The following AGPAT3 variants were observed in gnomAD, a reference collection of about 807,000 sequenced individuals.
AGPAT3 encodes the protein 1-acyl-sn-glycerol-3-phosphate acyltransferase gamma.
In AGPAT3, 5 loss-of-function variants were observed where a neutral mutation model predicts 47.3. That is an observed-to-expected ratio of 0.11 (90% CI 0.06 to 0.22). The LOEUF is 0.22. AGPAT3 is among the 10% of genes least tolerant of loss of function. The pLI is 1.00. For missense variants in AGPAT3, 315 were observed against 493.0 expected, an observed-to-expected ratio of 0.64 and a Z score of 3.42; for synonymous variants, 212 against 208.3, an observed-to-expected ratio of 1.02 and a Z score of -0.15.
intron 3 of AGPAT3, 182 bp from the exon 4 acceptor site, chr21:43,967,764 A>G: frequency 1.6e-6 from 1 of 620,002 alleles, no homozygotes; most frequent in Non-Finnish European, 2.7e-6. Flanking sequence ...TCTCCTCCCA[A>G]CTGTTGCTTA....
chr21:43,970,817 G>C lies in AGPAT3; in HGVS notation c.664+11G>C. On this transcript the variant is annotated intron_variant, in intron 6 of 9. Transcript: ENST00000291572. This position sits in a 1 kb window ranked among gnomAD's most constrained non-coding sequence, Gnocchi z 5.8. ...GCCTCCGGGGGACAGGTAGGCCCCA[G>C]ACTGCCCGAGCCGGGGCCACCGCTA... 6.5e-7 allele frequency: 1 copy of C among 1,537,786 alleles called. No individual in the cohort carries two copies. The highest frequency in any genetic ancestry group is 1.2e-5 in the South Asian group (1 of 82,598).
chr21:43,883,918 C>T (rs1043973470), intron 1 of AGPAT3, among the ~76,000 whole-genome samples: 1 of 151,808 alleles, frequency 6.6e-6, no homozygotes, highest in Non-Finnish European at 1.5e-5. Flanking sequence ...AGTAGAGAGA[C>T]GGGGTTTCTC....
chr21:43,939,193 A>T lies in AGPAT3; in HGVS notation c.-48-20441A>T, dbSNP rs975605141. The stretch of plus-strand genomic sequence containing the variant: ...CACTTTATCCCACTGTGGCCCCGTG[A>T]CCCTGAGCGAGAATGCACTGGCCGG... On this transcript the variant is annotated intron_variant, in intron 2 of 9. Transcript: ENST00000291572. The surrounding 1 kb of genome is among the most constrained non-coding windows in gnomAD (Gnocchi z 4.4). 1.3e-5 allele frequency among the ~76,000 whole-genome samples: 2 copies of T among 151,996 alleles called. No homozygotes were observed. Among genetic ancestry groups the T allele is most frequent in the Admixed American group, 6.5e-5 (1 of 15,272 alleles).
At chr21:43,866,838 T>C (rs2085518101) in intron 1 of AGPAT3, among the ~76,000 whole-genome samples, 1 of 152,226 alleles carries the variant, frequency 6.6e-6, no homozygotes, top group South Asian at 2.1e-4. Flanking sequence ...CGTGGCCCTG[T>C]CCTGGCGTAT....
intron 3 of AGPAT3, among the ~76,000 whole-genome samples, chr21:43,962,482 G>C (rs993043449): frequency 6.6e-6 from 1 of 152,162 alleles, no homozygotes. Context: ...CTACTTTCTA[G>C]CAGTATTCTG....
rs561106787 is a variant in AGPAT3, at chr21:43,969,355, A to C, written c.510+76A>C. 2.5e-6 allele frequency: 4 copies of C among 1,572,676 alleles called. No homozygotes were observed. The South Asian group carries it at 4.6e-5, about 18-fold the overall frequency. On this transcript the variant is annotated intron_variant, in intron 5 of 9. Coordinates refer to ENST00000291572, the MANE Select transcript of AGPAT3 (RefSeq NM_020132.5). The stretch of plus-strand genomic sequence containing the variant: ...CAACTCCTGATGCACGGCTGCCCAC[A>C]TCCCAGGCTGGGAAACCCCATGAGA...
At chr21:43,881,257 A>G (rs1334055803) in intron 1 of AGPAT3, among the ~76,000 whole-genome samples, 1 of 152,206 alleles carries the variant, frequency 6.6e-6, no homozygotes, top group Non-Finnish European at 1.5e-5. Flanking sequence ...GAAATGCTTT[A>G]TATGAAAACA....
intron 1 of AGPAT3, among the ~76,000 whole-genome samples, 155 bp downstream of exon 1, chr21:43,865,500 G>C (rs1278865576): frequency 6.8e-6 from 1 of 147,408 alleles, no homozygotes; most frequent in Non-Finnish European, 1.5e-5. Context: ...TGGGCCGGCC[G>C]CGCTCCGCGG....
intron 3 of AGPAT3, among the ~76,000 whole-genome samples, chr21:43,961,363 CTT>C (rs994920370): frequency 2.0e-5 from 3 of 151,962 alleles, no homozygotes; most frequent in Non-Finnish European, 2.9e-5. Context: ...CGCGTAGACA[CTT>C]TGTCTCACGT....
rs1002682590 is a variant in AGPAT3, at chr21:43,880,211, C to T, written c.-112+14866C>T. On this transcript the variant is annotated intron_variant, in intron 1 of 9. Transcript: ENST00000291572. This position sits in a 1 kb window ranked among gnomAD's most constrained non-coding sequence, Gnocchi z 4.5. ...GGCTGGTGCTGTGTTCCTGGACCAG[C>T]GTCCGATTTCCCTGCTGCTGAATCA... 2.0e-5 allele frequency among the ~76,000 whole-genome samples: 3 copies of T among 152,280 alleles called. No individual in the cohort carries two copies. The highest frequency in any genetic ancestry group is 2.1e-4 in the South Asian group (1 of 4,830).
chr21:43,868,443 G>A (rs1192899670), intron 1 of AGPAT3, among the ~76,000 whole-genome samples: 1 of 152,198 alleles, frequency 6.6e-6, no homozygotes, highest in South Asian at 2.1e-4. Context: ...TGGTGGGACA[G>A]TGTGCCTGCA....
intron 2 of AGPAT3, among the ~76,000 whole-genome samples, chr21:43,917,271 G>A (rs2838434): frequency 0.3 from 45,365 of 151,562 alleles, 7,842 homozygotes; most frequent in South Asian, 0.41. Context: ...TGTTGCCGGC[G>A]CGGTCCCGCT....
chr21:43,878,774 G>A (rs1347363683), intron 1 of AGPAT3, among the ~76,000 whole-genome samples: 1 of 134,758 alleles, frequency 7.4e-6, no homozygotes, highest in Non-Finnish European at 1.6e-5. Flanking sequence ...TTACTCTGTT[G>A]CCCAGACGGG....
chr21:43,977,920 G>A (rs1283538672), intron 7 of AGPAT3, 126 bp from the exon 8 acceptor site: 1 of 628,232 alleles, frequency 1.6e-6, no homozygotes, highest in African/African-American at 1.9e-5. Flanking sequence ...GAAATTGAGA[G>A]TGAGATGTGA....
chr21:43,902,011 G>A (rs1024186892), intron 1 of AGPAT3, among the ~76,000 whole-genome samples: 3 of 152,090 alleles, frequency 2.0e-5, no homozygotes. Flanking sequence ...AATACCTGAA[G>A]ACAATAATGG....
At chr21:43,909,070 T>C (rs182444238) in intron 2 of AGPAT3, among the ~76,000 whole-genome samples, 1 of 152,358 alleles carries the variant, frequency 6.6e-6, no homozygotes, top group Admixed American at 6.5e-5. Context: ...TTTTACTTAC[T>C]ATTTTTTTTC....
chr21:43,944,735 G>C (rs1327165291), intron 2 of AGPAT3, among the ~76,000 whole-genome samples: 2 of 152,220 alleles, frequency 1.3e-5, no homozygotes, highest in Non-Finnish European at 2.9e-5. Flanking sequence ...TAAGCTTTTT[G>C]GGGATTTGGG....
At chr21:43,956,738 C>CA (rs1195425164) in intron 2 of AGPAT3, among the ~76,000 whole-genome samples, 3 of 152,184 alleles carry the variant, frequency 2.0e-5, no homozygotes, top group African/African-American at 7.2e-5. Flanking sequence ...TGACCAGGGC[C>CA]AGAGGGCCTG....
intron 7 of AGPAT3, among the ~76,000 whole-genome samples, chr21:43,977,584 T>A (rs2089665005): frequency 1.3e-5 from 2 of 152,094 alleles, no homozygotes; most frequent in African/African-American, 4.8e-5. Context: ...TTTTTAGAAA[T>A]TGAGAGTGAG....
Sources: allele counts gnomAD v4.1 joint callset (sites outside exome capture counted in the v4.1 genomes callset), GRCh38; gene constraint gnomAD v4.1.1; non-coding constraint Gnocchi (gnomAD v3.1); transcripts MANE v1.5; gene names NCBI Gene and HGNC (gene_info 2026-07-23, HGNC 2026-07-21).